SLC9A9: variants seen among roughly 807,000 people sequenced by gnomAD.
SLC9A9 encodes sodium/hydrogen exchanger 9.
A neutral mutation model predicts 77.8 loss-of-function variants in SLC9A9; 62 were observed. That is an observed-to-expected ratio of 0.80 (90% CI 0.65 to 0.98). The LOEUF (loss-of-function observed/expected upper bound fraction) is 0.98, where lower values mean the gene tolerates loss of function less well. SLC9A9 is among the 50% of genes least tolerant of loss of function. SLC9A9 has a pLI of 0.00. For synonymous variants in SLC9A9, 320 were observed against 283.5 expected, an observed-to-expected ratio of 1.13 and a Z score of -1.29; for missense variants, 775 against 774.9, an observed-to-expected ratio of 1.00 and a Z score of 0.00.
chr3:143,804,535 C>A (rs1217170794), intron 2 of SLC9A9, among the ~76,000 whole-genome samples: 1 of 152,136 alleles, frequency 6.6e-6, no homozygotes, highest in African/African-American at 2.4e-5. Context: ...TCCTTCTCAT[C>A]TTTTTACTTT....
chr3:143,581,528 C>T (rs2037453064), intron 6 of SLC9A9, among the ~76,000 whole-genome samples: 1 of 151,918 alleles, frequency 6.6e-6, no homozygotes, highest in African/African-American at 2.4e-5. Context: ...TCCTTCTTTC[C>T]CTCCTTTTGT....
At chr3:143,333,347 C>T (rs1315031025) in intron 14 of SLC9A9, among the ~76,000 whole-genome samples, 3 of 151,386 alleles carry the variant, frequency 2.0e-5, no homozygotes, top group Non-Finnish European at 4.4e-5. Flanking sequence ...GCAAATAATG[C>T]TCCATGGCTG....
At chr3:143,600,529 T>C (rs1197077967) in intron 6 of SLC9A9, among the ~76,000 whole-genome samples, 2 of 152,162 alleles carry the variant, frequency 1.3e-5, no homozygotes, top group African/African-American at 2.4e-5. Flanking sequence ...AACACATGGG[T>C]AAGTTGAGCT....
At chr3:143,433,968 G>A (rs543264775) in intron 12 of SLC9A9, among the ~76,000 whole-genome samples, 24 of 152,264 alleles carry the variant, frequency 1.6e-4, no homozygotes, top group African/African-American at 5.8e-4. Context: ...GGGCGCTGTG[G>A]TTTGGATGAA....
At chr3:143,485,551 G>A (rs183612193) in intron 11 of SLC9A9, among the ~76,000 whole-genome samples, 4 of 152,112 alleles carry the variant, frequency 2.6e-5, no homozygotes, top group Admixed American at 2.0e-4. Flanking sequence ...CTGATTCCCA[G>A]AACAGAGACA....
rs551355406 is a variant in SLC9A9 at position 143,516,098 on chromosome 3, T to C, written c.1090-20650A>G. ...AGGGTTTTTTTCTTCCTTCAGATAG[T>C]TTAGTCAGTTATACACTTCTAGGAA... On this transcript the variant is annotated intron_variant, in intron 9 of 15. Coordinates refer to ENST00000316549, the MANE Select transcript of SLC9A9 (RefSeq NM_173653.4). Among the ~76,000 whole-genome samples the C allele has an allele frequency of 2.8e-4, 42 of 152,278 alleles. No homozygotes were observed. In the South Asian group the frequency reaches 3.1e-3, roughly 11 times the overall value.
chr3:143,688,963 A>G (rs1056389692), intron 5 of SLC9A9, among the ~76,000 whole-genome samples: 1 of 151,626 alleles, frequency 6.6e-6, no homozygotes, highest in African/African-American at 2.4e-5. Flanking sequence ...AATTTTTATT[A>G]TAAATTACAT....
chr3:143,816,707 T>G (rs1473969532), intron 2 of SLC9A9, among the ~76,000 whole-genome samples: 6 of 152,214 alleles, frequency 3.9e-5, no homozygotes, highest in Admixed American at 2.6e-4. Context: ...GTATGAGGTA[T>G]ATAAACCTTC....
chr3:143,745,607 A>G (rs1346538996), intron 4 of SLC9A9, among the ~76,000 whole-genome samples: 1 of 152,180 alleles, frequency 6.6e-6, no homozygotes, highest in African/African-American at 2.4e-5. Context: ...AATGCCTAGA[A>G]CATTAGGGCC....
intron 9 of SLC9A9, among the ~76,000 whole-genome samples, chr3:143,551,128 G>A (rs546766992): frequency 1.3e-5 from 2 of 152,118 alleles, no homozygotes; most frequent in African/African-American, 2.4e-5. Flanking sequence ...GAACACTAAG[G>A]CAGAGATTGG....
intron 6 of SLC9A9, among the ~76,000 whole-genome samples, chr3:143,637,837 C>CT: frequency 6.6e-6 from 1 of 152,284 alleles, no homozygotes; most frequent in Non-Finnish European, 1.5e-5. Context: ...CCAACCTTTA[C>CT]TTCTCCATGG....
intron 4 of SLC9A9, among the ~76,000 whole-genome samples, chr3:143,731,371 A>G (rs1934799110): frequency 6.6e-6 from 1 of 152,072 alleles, no homozygotes; most frequent in Non-Finnish European, 1.5e-5. Context: ...TTGAGTTTGA[A>G]CTCTACTGCT....
intron 4 of SLC9A9, among the ~76,000 whole-genome samples, chr3:143,780,038 C>T (rs748038172): frequency 1.3e-5 from 2 of 152,112 alleles, no homozygotes; most frequent in African/African-American, 4.8e-5. Flanking sequence ...CAGTGGATAA[C>T]CTGTAAAATA....
intron 4 of SLC9A9, among the ~76,000 whole-genome samples, chr3:143,778,572 G>GA (rs376100650): frequency 2.4e-4 from 36 of 150,724 alleles, no homozygotes; most frequent in Middle Eastern, 3.4e-3. Context: ...CAAGGAGGAA[G>GA]AAAAAAAAGG....
chr3:143,422,388 T>C (rs1389501142), intron 12 of SLC9A9, among the ~76,000 whole-genome samples: 2 of 152,196 alleles, frequency 1.3e-5, no homozygotes, highest in African/African-American at 4.8e-5. Context: ...GAAAATGTGG[T>C]ACATATACAC....
At chr3:143,704,960 C>A (rs1374145152) in intron 4 of SLC9A9, among the ~76,000 whole-genome samples, 1 of 134,658 alleles carries the variant, frequency 7.4e-6, no homozygotes, top group East Asian at 2.1e-4. Context: ...CCATTGCACT[C>A]CAGCCTGGGC....
intron 14 of SLC9A9, among the ~76,000 whole-genome samples, chr3:143,270,908 C>T (rs1937877592): frequency 6.6e-6 from 1 of 152,126 alleles, no homozygotes; most frequent in Admixed American, 6.6e-5. Flanking sequence ...GTTTTAGTTA[C>T]CCATGGTCAA....
intron 12 of SLC9A9, among the ~76,000 whole-genome samples, chr3:143,408,490 A>C (rs1464804360): frequency 2.0e-5 from 3 of 152,244 alleles, no homozygotes; most frequent in Non-Finnish European, 2.9e-5. Flanking sequence ...GATGTCACCA[A>C]AGAAAGCATG....
intron 4 of SLC9A9, among the ~76,000 whole-genome samples, chr3:143,717,963 G>A (rs1192589764): frequency 6.6e-6 from 1 of 152,130 alleles, no homozygotes; most frequent in Non-Finnish European, 1.5e-5. Flanking sequence ...TTCACAATGT[G>A]GATGCAATAT....
Sources: allele counts gnomAD v4.1 joint callset (sites outside exome capture counted in the v4.1 genomes callset), GRCh38; gene constraint gnomAD v4.1.1; transcripts MANE v1.5; gene names NCBI Gene and HGNC (gene_info 2026-07-23, HGNC 2026-07-21).